BAIAP2L1: variants seen among roughly 807,000 people sequenced by gnomAD.
BAIAP2L1 encodes BAR/IMD domain containing adaptor protein 2 like 1, also known as BAR/IMD domain-containing adapter protein 2-like 1.
In BAIAP2L1, 35 loss-of-function variants were observed where a neutral mutation model predicts 66.3. The observed-to-expected ratio is 0.53, with a 90% confidence interval of 0.40 to 0.70. BAIAP2L1 has a LOEUF of 0.70. Among genes scored for constraint, BAIAP2L1 ranks in the 30% least tolerant of loss-of-function variants. The pLI, the probability that BAIAP2L1 is intolerant of heterozygous loss-of-function variation, is 0.00. For missense variants in BAIAP2L1, 622 were observed against 656.9 expected, an observed-to-expected ratio of 0.95 and a Z score of 0.58; for synonymous variants, 269 against 248.7, an observed-to-expected ratio of 1.08 and a Z score of -0.77.
intron 3 of BAIAP2L1, among the ~76,000 whole-genome samples, chr7:98,326,032 A>C (rs2115563511): frequency 6.6e-6 from 1 of 152,350 alleles, no homozygotes; most frequent in South Asian, 2.1e-4. Flanking sequence ...GTCCGTAATC[A>C]CAGCTCCCAG....
intron 1 of BAIAP2L1, 97 bp downstream of exon 1, chr7:98,400,705 A>C: frequency 7.4e-7 from 1 of 1,352,108 alleles, no homozygotes; most frequent in South Asian, 1.3e-5. Context: ...GGGGGAGGGG[A>C]GCTGGAGGGA....
At chr7:98,307,189 T>G (rs977934807) in intron 10 of BAIAP2L1, 1 of 176,658 alleles carries the variant, frequency 5.7e-6, no homozygotes, top group Admixed American at 5.5e-5. Context: ...CTCGGCTCAC[T>G]GCAACCTGCG....
intron 12 of BAIAP2L1, among the ~76,000 whole-genome samples, chr7:98,299,970 A>C (rs539010729): frequency 6.6e-6 from 1 of 152,254 alleles, no homozygotes; most frequent in South Asian, 2.1e-4. Flanking sequence ...GAGCCCGGGA[A>C]GTGGAGGTTG....
chr7:98,393,064 CAT>C (rs1343410233), intron 1 of BAIAP2L1, among the ~76,000 whole-genome samples: 6 of 81,846 alleles, frequency 7.3e-5, no homozygotes, highest in East Asian at 7.2e-4. Flanking sequence ...TATATGTACA[CAT>C]ATATGTATAC....
At chr7:98,294,015 G>T in intron 13 of BAIAP2L1, 59 bp downstream of exon 13, 1 of 1,573,020 alleles carries the variant, frequency 6.4e-7, no homozygotes, top group Non-Finnish European at 8.7e-7. Flanking sequence ...CCCTTCCGGG[G>T]GACACTACAG....
intron 9 of BAIAP2L1, chr7:98,308,151 C>T (rs777381442): frequency 7.8e-5 from 49 of 624,338 alleles, no homozygotes; most frequent in Non-Finnish European, 1.4e-4. Context: ...GGCTCTTTTC[C>T]AGGCCCAAGG....
intron 3 of BAIAP2L1, among the ~76,000 whole-genome samples, chr7:98,346,823 G>A (rs1397888991): frequency 6.6e-5 from 10 of 152,160 alleles, no homozygotes; most frequent in East Asian, 3.8e-4. Context: ...TGAGTCAAAC[G>A]TAGATGGAAT....
chr7:98,305,055 T>TTG (rs1554410675), intron 11 of BAIAP2L1, among the ~76,000 whole-genome samples: 8 of 139,730 alleles, frequency 5.7e-5, no homozygotes, highest in African/African-American at 1.4e-4. Context: ...TTGTTTTTTT[T>TTG]TTTTTTTTTT....
chr7:98,303,195 G>A (rs1288829314), intron 12 of BAIAP2L1, among the ~76,000 whole-genome samples: 2 of 152,166 alleles, frequency 1.3e-5, no homozygotes, highest in African/African-American at 2.4e-5. Flanking sequence ...CAAGGCTCAC[G>A]CGTAGGTCTG....
intron 1 of BAIAP2L1, chr7:98,386,261 T>G: frequency 1.3e-6 from 2 of 1,592,402 alleles, no homozygotes; most frequent in Non-Finnish European, 8.5e-7. Flanking sequence ...ATGGAACACA[T>G]TTTGTCACGG....
intron 2 of BAIAP2L1, chr7:98,355,368 C>G: frequency 1.9e-6 from 1 of 524,018 alleles, no homozygotes; most frequent in South Asian, 2.3e-5. Context: ...CCTTCAGCAG[C>G]AGGTGCTGAA....
At chr7:98,358,541 GA>G (rs1802193744) in intron 2 of BAIAP2L1, among the ~76,000 whole-genome samples, 1 of 151,558 alleles carries the variant, frequency 6.6e-6, no homozygotes, top group African/African-American at 2.4e-5. Context: ...ATTTTTTCTA[GA>G]AATAGGGTCT....
intron 3 of BAIAP2L1, among the ~76,000 whole-genome samples, chr7:98,353,505 T>C (rs1051510083): frequency 1.5e-5 from 2 of 131,630 alleles, no homozygotes; most frequent in Non-Finnish European, 3.1e-5. Context: ...CATATATTTA[T>C]ATTATAAATA....
intron 2 of BAIAP2L1, among the ~76,000 whole-genome samples, chr7:98,359,998 T>C (rs557289019): frequency 1.4e-4 from 21 of 150,332 alleles, no homozygotes; most frequent in East Asian, 1.2e-3. Flanking sequence ...TCTTGGCTCA[T>C]TGCAACCTCT....
chr7:98,393,005 T>TTG (rs1286919135), intron 1 of BAIAP2L1, among the ~76,000 whole-genome samples: 3 of 149,418 alleles, frequency 2.0e-5, no homozygotes, highest in African/African-American at 7.4e-5. Context: ...TTTGTAATTT[T>TTG]TGTGTATATA....
chr7:98,368,050 C>T lies in BAIAP2L1; in HGVS notation c.52-5618G>A, dbSNP rs1584490148. Among the ~76,000 whole-genome samples the T allele has an allele frequency of 1.3e-5, 2 of 152,184 alleles. 1 individual carries two copies. The highest frequency in any genetic ancestry group is 3.9e-4 in the East Asian group (2 of 5,192). On this transcript the variant is annotated intron_variant, in intron 1 of 13. Coordinates refer to ENST00000005260, the MANE Select transcript of BAIAP2L1 (RefSeq NM_018842.5). ...TGTGCTGCCACTTAATAATCATGCCCTCCTCCTCACCAATCCTCACCTCTG... is the reference window on the plus strand; with the variant it reads ...TGTGCTGCCACTTAATAATCATGCCTTCCTCCTCACCAATCCTCACCTCTG...
At chr7:98,334,853 T>A (rs1202687998) in intron 3 of BAIAP2L1, among the ~76,000 whole-genome samples, 1 of 145,118 alleles carries the variant, frequency 6.9e-6, no homozygotes, top group Non-Finnish European at 1.5e-5. Context: ...GCCAAGTTTT[T>A]AAAAATTTAT....
At chr7:98,332,532 T>C (rs6979373) in intron 3 of BAIAP2L1, among the ~76,000 whole-genome samples, 60,857 of 149,170 alleles carry the variant, frequency 0.41, 13,234 homozygotes, top group Middle Eastern at 0.57. Flanking sequence ...TATACAGGCC[T>C]GGCGCAGTGG....
At chr7:98,348,954 T>C (rs1222469953) in intron 3 of BAIAP2L1, among the ~76,000 whole-genome samples, 1 of 152,250 alleles carries the variant, frequency 6.6e-6, no homozygotes, top group Non-Finnish European at 1.5e-5. Context: ...AGATGTGGCC[T>C]GGCCTTACTG....
Sources: allele counts gnomAD v4.1 joint callset (sites outside exome capture counted in the v4.1 genomes callset), GRCh38; gene constraint gnomAD v4.1.1; transcripts MANE v1.5; gene names NCBI Gene and HGNC (gene_info 2026-07-23, HGNC 2026-07-21).